ZNF79: variants seen among roughly 807,000 people sequenced by gnomAD.
The protein encoded by ZNF79 is zinc finger protein 79, also known as ZNFpT7.
A neutral mutation model predicts 14.9 loss-of-function variants in ZNF79; 13 were observed. The observed-to-expected ratio is 0.87, with a 90% CI of 0.57 to 1.38. The LOEUF (loss-of-function observed/expected upper bound fraction) is 1.38, where lower values mean the gene tolerates loss of function less well. ZNF79 is among the 40% of genes most tolerant of loss of function. The pLI is 0.00. For missense variants in ZNF79, 631 were observed against 630.6 expected (o/e 1.00, Z -0.01); for synonymous variants, 223 against 235.1 (o/e 0.95, Z 0.47).
chr9:127,424,992 T>TTTTTTGAGGACTGTAAAGAA, intron 1 of ZNF79, 189 bp downstream of exon 1: 2 of 1,423,516 alleles, frequency 1.4e-6, no homozygotes, highest in Non-Finnish European at 1.9e-6. Flanking sequence ...CCTACAGTCC[T>TTTTTTGAGGACTGTAAAGAA]TTTTTGAGTA....
chr9:127,435,637 G>A (rs1833934067), intron 3 of ZNF79, among the ~76,000 whole-genome samples: 1 of 152,138 alleles, frequency 6.6e-6, no homozygotes, highest in Non-Finnish European at 1.5e-5. Flanking sequence ...AGCATTTTGG[G>A]AGGCCAAGGT....
chr9:127,436,248 C>T (rs896224211), intron 4 of ZNF79, among the ~76,000 whole-genome samples: 9 of 152,346 alleles, frequency 5.9e-5, no homozygotes, highest in African/African-American at 2.2e-4. Flanking sequence ...TCACCTCATC[C>T]TTATGGAGGC....
At chr9:127,425,000 G>C in intron 1 of ZNF79, 197 bp downstream of exon 1, 2 of 1,418,436 alleles carry the variant, frequency 1.4e-6, no homozygotes, top group South Asian at 2.9e-5. Flanking sequence ...CCTTTTTTGA[G>C]TAAAGAATTC....
rs781226485 is a variant in ZNF79, at chr9:127,444,588, G to C, written c.888G>C (p.Gln296His). 6.2e-7 allele frequency: 1 copy of C among 1,614,032 alleles called. No homozygotes were observed. Among genetic ancestry groups the C allele is most frequent in the Middle Eastern group, 1.7e-4 (1 of 6,060 alleles). Residue 296 changes from glutamine (Q) to histidine (H), a missense_variant, in exon 5 of 5, where the codon CAG becomes CAC. Gln to His is a conservative substitution (Grantham distance 24). Coordinates refer to ENST00000342483, the MANE Select transcript of ZNF79 (RefSeq NM_007135.3). ...ACTGCTCAGCTCTTGTTCAGCATCAGAGAATTCATACCGGAGAGAAGCCCT... is the reference window on the plus strand; with the variant it reads ...ACTGCTCAGCTCTTGTTCAGCATCACAGAATTCATACCGGAGAGAAGCCCT... ...FSDCSALVQH[Q>H]RIHTGEKPYE...
At chr9:127,441,773 G>A (rs144975485) in intron 4 of ZNF79, among the ~76,000 whole-genome samples, 7,224 of 151,680 alleles carry the variant, frequency 0.048, 578 homozygotes, top group African/African-American at 0.17. Context: ...GTAAAACCCT[G>A]TCTCTACTAA....
intron 1 of ZNF79, among the ~76,000 whole-genome samples, chr9:127,427,226 T>A (rs1833772367): frequency 6.8e-6 from 1 of 146,750 alleles, no homozygotes; most frequent in Non-Finnish European, 1.5e-5. Context: ...GAGACCAGCC[T>A]GGCCAACGTG....
intron 2 of ZNF79, among the ~76,000 whole-genome samples, chr9:127,429,611 G>A (rs1833824803): frequency 6.6e-6 from 1 of 151,842 alleles, no homozygotes; most frequent in African/African-American, 2.4e-5. Flanking sequence ...GATTACAGGT[G>A]TGGGCCACTC....
chr9:127,424,983 CT>C lies in ZNF79; in HGVS notation c.16+181del, dbSNP rs895433646. 6.6e-5 allele frequency: 96 copies of C among 1,454,740 alleles called. No homozygotes were observed. In the African/African-American group the frequency reaches 1.3e-3, roughly 19 times the overall value. 90.1% of individuals were successfully genotyped at this position (1,454,740 alleles called of 1,614,324 possible). Reference sequence around the variant, plus strand: ...CAGGAGATCCTGAGAACATGTGCCCCTACAGTCCTTTTTTGAGTAAAGAATT... The same window carrying C: ...CAGGAGATCCTGAGAACATGTGCCCCACAGTCCTTTTTTGAGTAAAGAATT... On this transcript the variant is annotated intron_variant, in intron 1 of 4. Transcript: ENST00000342483.
At position 127,436,017 on chromosome 9, in the gene ZNF79, C is replaced by G. The variant is rs1237860943; in HGVS notation, c.328+14C>G. 1 of 1,612,140 alleles carries G rather than the reference C, an allele frequency of 6.2e-7. No homozygotes were observed. Among genetic ancestry groups the G allele is most frequent in the African/African-American group, 1.3e-5 (1 of 74,902 alleles). ...GTCCCTCTCCAGGTATGTGAGCAAG[C>G]ACTTAGCCAGTGGGAGTCTTGGGAG... On this transcript the variant is annotated intron_variant, in intron 4 of 4. Transcript: ENST00000342483.
chr9:127,433,909 AACTTGACACTGAC>A, intron 2 of ZNF79, among the ~76,000 whole-genome samples: 1 of 152,188 alleles, frequency 6.6e-6, no homozygotes, highest in East Asian at 1.9e-4. Flanking sequence ...ATCCTCTCTC[AACTTGACACTGAC>A]ACTGTTGGAG....
Position 127,444,034 on chromosome 9 carries a change from A to C in ZNF79, c.334A>C (p.Lys112Gln). The change falls in exon 5 of 5, where the codon AAG (lysine) becomes CAG (glutamine). Residue 112 changes from lysine to glutamine, a missense_variant. Lys to Gln is a moderately conservative substitution (Grantham distance 53, BLOSUM62 1). Transcript: ENST00000342483. The stretch of plus-strand genomic sequence containing the variant: ...GCTTTTCATTTTTTTTTCAGGCTGG[A>C]AGATTATATCTGGATCACCACCAGA... The part of the protein sequence containing the change: ...EDLRSPSPGW[K>Q]IISGSPPEQA... 6.3e-7 allele frequency: 1 copy of C among 1,576,796 alleles called. No individual in the cohort carries two copies. The highest frequency in any genetic ancestry group is 8.6e-7 in the Non-Finnish European group (1 of 1,161,934).
At chr9:127,437,815 C>T (rs1318197135) in intron 4 of ZNF79, among the ~76,000 whole-genome samples, 2 of 151,872 alleles carry the variant, frequency 1.3e-5, no homozygotes, top group South Asian at 2.1e-4. Flanking sequence ...ATTAAAATAC[C>T]CCAATCCAGT....
At chr9:127,431,293 G>A (rs1374175690) in intron 2 of ZNF79, among the ~76,000 whole-genome samples, 1 of 146,938 alleles carries the variant, frequency 6.8e-6, no homozygotes, top group Admixed American at 6.8e-5. Context: ...GTCTCACTCT[G>A]TCACCCAGTC....
At chr9:127,428,990 T>C in intron 2 of ZNF79, 70 bp downstream of exon 2, 1 of 1,030,248 alleles carries the variant, frequency 9.7e-7, no homozygotes, top group Non-Finnish European at 1.4e-6. Context: ...GGTTGCCTTG[T>C]TTTTTGTTGT....
Position 127,444,792 on chromosome 9 carries a change from C to A in ZNF79, c.1092C>A (p.Ala364=), listed in dbSNP as rs775229550. The A allele has an allele frequency of 5.0e-6, 8 of 1,601,908 alleles. No individual in the cohort carries two copies. The highest frequency in any genetic ancestry group is 5.1e-6 in the Non-Finnish European group (6 of 1,173,724). ...CCGGGGAGAAGCCCTACAGATGTGC[C>A]GCGTGTGGGAAGGCCTTCAGCCAGA... ...IHTGEKPYRC[A]ACGKAFSQSA... is the part of the protein sequence containing the mutation. Residue 364 remains alanine, a synonymous_variant, in exon 5 of 5, where the codon GCC becomes GCA. Coordinates refer to ENST00000342483, the MANE Select transcript of ZNF79 (RefSeq NM_007135.3).
At chr9:127,443,999 G>C in intron 4 of ZNF79, 30 bp from the exon 5 acceptor site, 2 of 1,540,138 alleles carry the variant, frequency 1.3e-6, no homozygotes, top group Non-Finnish European at 1.7e-6. Flanking sequence ...TCCACCAAGG[G>C]AACACAACAG....
intron 4 of ZNF79, among the ~76,000 whole-genome samples, chr9:127,442,735 G>C (rs867338246): frequency 6.6e-6 from 1 of 151,884 alleles, no homozygotes; most frequent in African/African-American, 2.4e-5. Flanking sequence ...TGGTAGCATG[G>C]GCCTGTAGTC....
At chr9:127,426,433 G>T (rs1381847202) in intron 1 of ZNF79, among the ~76,000 whole-genome samples, 3 of 149,572 alleles carry the variant, frequency 2.0e-5, no homozygotes, top group Non-Finnish European at 4.4e-5. Flanking sequence ...GGAGTGCGAT[G>T]GTGCGATCTC....
intron 2 of ZNF79, among the ~76,000 whole-genome samples, chr9:127,432,243 G>T (rs1833873772): frequency 1.3e-5 from 2 of 151,290 alleles, no homozygotes; most frequent in South Asian, 2.1e-4. Context: ...CGCCTCCCGG[G>T]TTCATGCCAT....
Sources: gnomAD v4.1 joint callset for allele counts (sites outside exome capture counted in the v4.1 genomes callset) on GRCh38, gnomAD v4.1.1 for gene constraint, MANE v1.5 for transcripts, NCBI Gene and HGNC (gene_info 2026-07-23, HGNC 2026-07-21) for gene names.